Variants in RHBDD1 observed in about 807,000 individuals in gnomAD.
RHBDD1 encodes the protein rhomboid-related protein 4.
Under a neutral mutation model 36.3 loss-of-function variants are expected in RHBDD1, and 38 were observed. The observed-to-expected ratio is 1.05, with a 90% CI of 0.81 to 1.37. RHBDD1 has a LOEUF of 1.37. RHBDD1 is among the 40% of genes most tolerant of loss of function. The probability of loss-of-function intolerance (pLI) is 0.00; values close to 1 mark genes in which losing one functional copy is unlikely to be tolerated. For missense variants in RHBDD1, 393 were observed against 377.6 expected (o/e 1.04, Z -0.34); for synonymous variants, 151 against 136.5 (o/e 1.11, Z -0.74).
intron 8 of RHBDD1, among the ~76,000 whole-genome samples, chr2:226,975,161 T>C (rs77101351): frequency 0.023 from 3,529 of 152,290 alleles, 141 homozygotes; most frequent in African/African-American, 0.08. Flanking sequence ...AGATTTAATA[T>C]GGTGCCCCAG....
At chr2:226,867,511 A>G (rs1265187104) in intron 5 of RHBDD1, 193 bp downstream of exon 5, 4 of 889,458 alleles carry the variant, frequency 4.5e-6, no homozygotes, top group African/African-American at 1.8e-5. Context: ...TAAGCTGTAT[A>G]ATTTTGGGTC....
chr2:226,800,699 G>A, the RHBDD1 span, among the ~76,000 whole-genome samples: 1 of 152,118 alleles, frequency 6.6e-6, no homozygotes. Flanking sequence ...ACCTTCAGAG[G>A]GTTCATAAGG....
chr2:226,840,735 A>G (rs759386173), intron 3 of RHBDD1, among the ~76,000 whole-genome samples: 7 of 152,256 alleles, frequency 4.6e-5, no homozygotes, highest in Non-Finnish European at 1.0e-4. Flanking sequence ...TTGCTTATGC[A>G]TTTTTAATGC....
intron 8 of RHBDD1, among the ~76,000 whole-genome samples, chr2:226,992,399 G>A (rs1212281369): frequency 6.6e-6 from 1 of 152,106 alleles, no homozygotes; most frequent in East Asian, 1.9e-4. Context: ...AAAGCAATTC[G>A]GCCATTCTTC....
chr2:226,975,214 A>G (rs996412575), intron 8 of RHBDD1, among the ~76,000 whole-genome samples: 49 of 152,206 alleles, frequency 3.2e-4, no homozygotes, highest in Admixed American at 3.2e-3. Flanking sequence ...TAACAGGACC[A>G]TGTAGAAAAG....
At chr2:226,975,413 C>A (rs1042937866) in intron 8 of RHBDD1, among the ~76,000 whole-genome samples, 1 of 152,092 alleles carries the variant, frequency 6.6e-6, no homozygotes, top group Admixed American at 6.6e-5. Context: ...AACTCAATGA[C>A]AGTTTGCTTT....
intron 3 of RHBDD1, among the ~76,000 whole-genome samples, chr2:226,855,925 A>G (rs1448390241): frequency 1.3e-5 from 2 of 152,180 alleles, no homozygotes; most frequent in Non-Finnish European, 2.9e-5. Flanking sequence ...TGAAGGAAGG[A>G]AACAGAGATC....
At chr2:226,868,232 A>G (rs1944499724) in intron 5 of RHBDD1, among the ~76,000 whole-genome samples, 1 of 152,182 alleles carries the variant, frequency 6.6e-6, no homozygotes, top group South Asian at 2.1e-4. Context: ...CAGGAAGTAC[A>G]GTTTCAGAAC....
At chr2:226,957,359 C>T (rs571570825) in intron 8 of RHBDD1, among the ~76,000 whole-genome samples, 39 of 152,122 alleles carry the variant, frequency 2.6e-4, no homozygotes, top group African/African-American at 9.4e-4. Context: ...TAACAACCAA[C>T]AAAAAATAGA....
intron 5 of RHBDD1, among the ~76,000 whole-genome samples, chr2:226,881,554 A>T (rs966526601): frequency 1.3e-5 from 2 of 152,160 alleles, no homozygotes; most frequent in African/African-American, 4.8e-5. Flanking sequence ...TCAGAGCATT[A>T]TTGGTAGGTC....
At chr2:226,867,444 A>AT in intron 5 of RHBDD1, 126 bp downstream of exon 5, 1 of 1,216,758 alleles carries the variant, frequency 8.2e-7, no homozygotes, top group East Asian at 2.5e-5. Flanking sequence ...ATTAGGACAG[A>AT]ATCAAGCTTA....
chr2:226,924,815 C>T (rs1201046814), intron 8 of RHBDD1, among the ~76,000 whole-genome samples: 1 of 148,104 alleles, frequency 6.8e-6, no homozygotes, highest in Non-Finnish European at 1.5e-5. Flanking sequence ...TGTCCACAAT[C>T]ACTGTGCTCT....
chr2:226,863,271 G>A (rs907319281), intron 3 of RHBDD1, among the ~76,000 whole-genome samples: 6 of 152,206 alleles, frequency 3.9e-5, no homozygotes. Flanking sequence ...CCCAGGAGGT[G>A]GAGGTGGCAG....
intron 3 of RHBDD1, among the ~76,000 whole-genome samples, chr2:226,861,788 G>C (rs183427606): frequency 3.6e-4 from 55 of 152,240 alleles, no homozygotes; most frequent in African/African-American, 1.2e-3. Flanking sequence ...AAAAAGTTAC[G>C]GTAGGTAAAG....
At chr2:226,841,252 C>T (rs1222761369) in intron 3 of RHBDD1, among the ~76,000 whole-genome samples, 1 of 152,160 alleles carries the variant, frequency 6.6e-6, no homozygotes, top group African/African-American at 2.4e-5. Flanking sequence ...CCCACCTCAG[C>T]CTCCCTAGTA....
At chr2:226,884,590 GTAATT>G (rs1441772200) in intron 5 of RHBDD1, among the ~76,000 whole-genome samples, 20 of 152,220 alleles carry the variant, frequency 1.3e-4, no homozygotes, top group African/African-American at 4.8e-4. Flanking sequence ...TGTCACTTCA[GTAATT>G]TATATTGCCA....
intron 8 of RHBDD1, among the ~76,000 whole-genome samples, chr2:226,933,807 A>G (rs1950175512): frequency 6.6e-6 from 1 of 152,180 alleles, no homozygotes; most frequent in African/African-American, 2.4e-5. Flanking sequence ...AGAGGAAGCT[A>G]GGAGCATTCC....
intron 5 of RHBDD1, among the ~76,000 whole-genome samples, chr2:226,887,861 T>C (rs1161922050): frequency 1.3e-5 from 2 of 152,262 alleles, no homozygotes; most frequent in Non-Finnish European, 2.9e-5. Context: ...TTTTTACTAA[T>C]AACCAATGTA....
At chr2:226,855,633 A>G (rs1025251743) in intron 3 of RHBDD1, among the ~76,000 whole-genome samples, 1 of 152,230 alleles carries the variant, frequency 6.6e-6, no homozygotes, top group African/African-American at 2.4e-5. Flanking sequence ...ATAACAATAA[A>G]GTGTATGAAG....
Sources: allele counts gnomAD v4.1 joint callset (sites outside exome capture counted in the v4.1 genomes callset), GRCh38; gene constraint gnomAD v4.1.1; transcripts MANE v1.5; gene names NCBI Gene and HGNC (gene_info 2026-07-23, HGNC 2026-07-21).